The following KIAA0232 variants were observed in gnomAD, a reference collection of about 807,000 sequenced individuals.
The protein encoded by KIAA0232 is KIAA0232.
A neutral mutation model predicts 122.0 loss-of-function variants in KIAA0232; 27 were observed. The ratio of observed to expected loss-of-function variants is 0.22; its 90% CI spans 0.16 to 0.31. KIAA0232 has a LOEUF of 0.31. Among genes scored for constraint, KIAA0232 ranks in the 10% least tolerant of loss-of-function variants. The pLI, the probability that KIAA0232 is intolerant of heterozygous loss-of-function variation, is 1.00. For synonymous variants in KIAA0232, 613 were observed against 587.6 expected, an observed-to-expected ratio of 1.04 and a Z score of -0.63; for missense variants, 1,551 against 1,634.2, an observed-to-expected ratio of 0.95 and a Z score of 0.88.
At chr4:6,790,515 T>TG (rs1716846172) in intron 1 of KIAA0232, among the ~76,000 whole-genome samples, 1 of 151,468 alleles carries the variant, frequency 6.6e-6, no homozygotes, top group Admixed American at 6.6e-5. Flanking sequence ...CTGCCTCAGC[T>TG]GGGACTACAT....
Position 6,862,550 on chromosome 4 carries a change from A to G in KIAA0232, c.2168A>G (p.Asp723Gly). The change falls in exon 7 of 10, where the codon GAC becomes GGC. Residue 723 changes from aspartate (D) to glycine (G), a missense_variant. Transcript: ENST00000307659. The part of the protein sequence containing the change: ...PWSHSEETRS[D>G]NETLNIQFEE... Reference sequence around the variant, plus strand: ...TCCCATTCAGAAGAAACACGTTCAGACAATGAAACATTAAATATTCAGTTT... The same window carrying G: ...TCCCATTCAGAAGAAACACGTTCAGGCAATGAAACATTAAATATTCAGTTT... The G allele has an allele frequency of 1.2e-6, 2 of 1,613,606 alleles. No homozygotes were observed. The highest frequency in any genetic ancestry group is 1.7e-6 in the Non-Finnish European group (2 of 1,179,824).
Position 6,863,365 on chromosome 4 carries a change from T to A in KIAA0232, c.2983T>A (p.Ser995Thr). 1 of 1,614,178 alleles carries A rather than the reference T, an allele frequency of 6.2e-7. No individual in the cohort carries two copies. The highest frequency in any genetic ancestry group is 8.5e-7 in the Non-Finnish European group (1 of 1,180,014). Residue 995 changes from serine (S) to threonine (T), a missense_variant, in exon 7 of 10, where the codon TCA becomes ACA. Coordinates refer to ENST00000307659, the MANE Select transcript of KIAA0232 (RefSeq NM_014743.3). ...GHRQLWKPFV[S>T]FEQNDQPKSG... ...CAGGCAGTTATGGAAACCCTTCGTGTCATTTGAACAGAATGATCAGCCGAA... is the reference window on the plus strand; with the variant it reads ...CAGGCAGTTATGGAAACCCTTCGTGACATTTGAACAGAATGATCAGCCGAA...
intron 9 of KIAA0232, among the ~76,000 whole-genome samples, chr4:6,879,595 G>A (rs1721944978): frequency 6.6e-6 from 1 of 152,186 alleles, no homozygotes; most frequent in Non-Finnish European, 1.5e-5. Flanking sequence ...TTGGAAATGA[G>A]GTGGGAGTGC....
intron 5 of KIAA0232, 55 bp downstream of exon 5, chr4:6,857,285 T>G: frequency 3.4e-6 from 5 of 1,449,588 alleles, no homozygotes; most frequent in Non-Finnish European, 4.7e-6. Flanking sequence ...CTGAGGAATC[T>G]GGATTGGGGA....
At chr4:6,805,601 G>A (rs138981751) in intron 2 of KIAA0232, among the ~76,000 whole-genome samples, 16 of 152,114 alleles carry the variant, frequency 1.1e-4, no homozygotes, top group Non-Finnish European at 2.1e-4. Context: ...AGATATTTGT[G>A]GTTTTGAGTT....
intron 2 of KIAA0232, among the ~76,000 whole-genome samples, chr4:6,806,131 T>A (rs1465950815): frequency 6.6e-6 from 1 of 152,154 alleles, no homozygotes; most frequent in Non-Finnish European, 1.5e-5. Flanking sequence ...CCCTGCTAGG[T>A]AAAAAAGGCA....
At chr4:6,801,649 A>G (rs986464557) in intron 1 of KIAA0232, among the ~76,000 whole-genome samples, 6 of 151,402 alleles carry the variant, frequency 4.0e-5, no homozygotes, top group African/African-American at 1.2e-4. Flanking sequence ...GCTCCACTGC[A>G]CTCCAGACTG....
At chr4:6,879,605 C>T (rs191993437) in intron 9 of KIAA0232, among the ~76,000 whole-genome samples, 1 of 152,310 alleles carries the variant, frequency 6.6e-6, no homozygotes, top group African/African-American at 2.4e-5. Context: ...GGTGGGAGTG[C>T]TGCTAGTTAC....
intron 3 of KIAA0232, among the ~76,000 whole-genome samples, chr4:6,838,869 C>T (rs1424682182): frequency 6.6e-6 from 1 of 152,062 alleles, no homozygotes; most frequent in Non-Finnish European, 1.5e-5. Context: ...TGGCTCACGC[C>T]TGTAATCCTA....
intron 3 of KIAA0232, among the ~76,000 whole-genome samples, chr4:6,833,740 T>C (rs1197561892): frequency 2.0e-5 from 3 of 152,212 alleles, no homozygotes; most frequent in Admixed American, 2.0e-4. Context: ...CAAAAACCTT[T>C]CTGGGTAGTA....
intron 2 of KIAA0232, among the ~76,000 whole-genome samples, chr4:6,816,026 A>G (rs192730631): frequency 1.3e-5 from 2 of 152,330 alleles, no homozygotes; most frequent in African/African-American, 4.8e-5. Context: ...TAATAAAACT[A>G]AAACAATATA....
At chr4:6,856,580 G>T (rs1720581786) in intron 4 of KIAA0232, among the ~76,000 whole-genome samples, 1 of 151,694 alleles carries the variant, frequency 6.6e-6, no homozygotes, top group Non-Finnish European at 1.5e-5. Context: ...CGATAATCTG[G>T]TCCAGATGCT....
In KIAA0232 at chr4:6,876,654, A is replaced by G; in HGVS notation, c.3911-6A>G. 1.9e-6 allele frequency: 3 copies of G among 1,581,438 alleles called. No homozygotes were observed. Among genetic ancestry groups the G allele is most frequent in the Non-Finnish European group, 8.7e-7 (1 of 1,150,288 alleles). ...TCTTTTCCCTTCTCCATTCCAAATG[A>G]TTAAGAATGTTACACAAATGCCAAG... On this transcript the variant is annotated splice_polypyrimidine_tract_variant and splice_region_variant and intron_variant, in intron 8 of 9. Transcript: ENST00000307659.
chr4:6,815,561 A>G (rs946885315), intron 2 of KIAA0232, among the ~76,000 whole-genome samples: 2 of 152,206 alleles, frequency 1.3e-5, no homozygotes, highest in African/African-American at 4.8e-5. Flanking sequence ...TCATTATGGT[A>G]CAGGAAGAAG....
At chr4:6,837,355 G>C (rs1400185683) in intron 3 of KIAA0232, among the ~76,000 whole-genome samples, 3 of 151,060 alleles carry the variant, frequency 2.0e-5, no homozygotes, top group African/African-American at 7.3e-5. Flanking sequence ...CCCAGACGAT[G>C]GGCGGCCGGG....
At chr4:6,879,319 G>A (rs1047193086) in intron 9 of KIAA0232, among the ~76,000 whole-genome samples, 10 of 152,250 alleles carry the variant, frequency 6.6e-5, no homozygotes, top group Non-Finnish European at 1.0e-4. Context: ...ATCAGGCGCC[G>A]TGTATCCGAG....
At position 6,862,138 on chromosome 4, in the gene KIAA0232, A is replaced by G; in HGVS notation, c.1756A>G (p.Asn586Asp). ...AEGLFLQDLGNLAQFWECCSS... is the reference protein window; with the variant it reads ...AEGLFLQDLGDLAQFWECCSS... ...GGGCTTATTCCTGCAGGACCTTGGC[A>G]ATCTGGCTCAGTTTTGGGAGTGCTG... Residue 586 changes from asparagine to aspartate, a missense_variant, in exon 7 of 10, where the codon AAT becomes GAT. Asn to Asp is a conservative substitution (Grantham distance 23, BLOSUM62 1). Around this residue, in one of 5 missense-constraint regions of KIAA0232, gnomAD observed 1,108 missense variants for 1,154.8 expected, o/e 0.96. Transcript: ENST00000307659. 1 of 1,614,164 alleles carries G rather than the reference A, an allele frequency of 6.2e-7. No homozygotes were observed. The highest frequency in any genetic ancestry group is 8.5e-7 in the Non-Finnish European group (1 of 1,180,028).
intron 3 of KIAA0232, among the ~76,000 whole-genome samples, chr4:6,834,342 CTGA>C (rs1444013187): frequency 6.6e-6 from 1 of 152,020 alleles, no homozygotes; most frequent in African/African-American, 2.4e-5. Flanking sequence ...ATTTTATGTA[CTGA>C]TAATATAGTT....
chr4:6,861,689 A>G lies in KIAA0232; in HGVS notation c.1307A>G (p.Glu436Gly), dbSNP rs369275521. 53 of 1,614,008 alleles carry G rather than the reference A, an allele frequency of 3.3e-5. No individual in the cohort carries two copies. In the African/African-American group the frequency reaches 5.7e-4, roughly 17 times the overall value. The change falls in exon 7 of 10, where the codon GAG (glutamate) becomes GGG (glycine). Residue 436 changes from glutamate (E) to glycine (G), a missense_variant. This residue lies in a region of KIAA0232 where 1,108 missense variants were observed against 1,154.8 expected (regional missense o/e 0.96). Coordinates refer to ENST00000307659, the MANE Select transcript of KIAA0232 (RefSeq NM_014743.3). Reference sequence around the variant, plus strand: ...CAGGATACAAGTGATCTGACATCAGAGGCAGTGGAAGAATTGTCTGAATCA... The same window carrying G: ...CAGGATACAAGTGATCTGACATCAGGGGCAGTGGAAGAATTGTCTGAATCA... ...NRQDTSDLTS[E>G]AVEELSESVH... is the part of the protein sequence containing the mutation.
Sources: gnomAD v4.1 joint callset for allele counts (sites outside exome capture counted in the v4.1 genomes callset) on GRCh38, gnomAD v4.1.1 for gene constraint, gnomAD v4.1.1 regional missense constraint, MANE v1.5 for transcripts, NCBI Gene and HGNC (gene_info 2026-07-23, HGNC 2026-07-21) for gene names.